DOK6: variants seen among roughly 807,000 people sequenced by gnomAD.
DOK6 encodes the protein downstream of tyrosine kinase 6.
A neutral mutation model predicts 44.0 loss-of-function variants in DOK6; 22 were observed. The observed-to-expected ratio is 0.50, with a 90% CI of 0.36 to 0.71. DOK6 has a LOEUF of 0.71. Ranked by LOEUF, DOK6 falls within the 30% of genes least tolerant of loss-of-function variation. The pLI is 0.00. For missense variants in DOK6, 340 were observed against 416.4 expected, an observed-to-expected ratio of 0.82 and a Z score of 1.60; for synonymous variants, 166 against 145.5, an observed-to-expected ratio of 1.14 and a Z score of -1.01.
At chr18:69,834,165 G>T (rs909004749) in intron 7 of DOK6, among the ~76,000 whole-genome samples, 1 of 152,174 alleles carries the variant, frequency 6.6e-6, no homozygotes, top group African/African-American at 2.4e-5. Context: ...AGAAAATGTG[G>T]TACATATACA....
At chr18:69,592,256 A>G (rs1983639811) in intron 2 of DOK6, among the ~76,000 whole-genome samples, 1 of 149,048 alleles carries the variant, frequency 6.7e-6, no homozygotes, top group Non-Finnish European at 1.5e-5. Context: ...TTTTAAACTT[A>G]CCCTTTAAAA....
At chr18:69,719,614 ATTCATTTTGAAAAGGTACTTTTAG>A (rs1555726616) in intron 5 of DOK6, among the ~76,000 whole-genome samples, 3 of 152,208 alleles carry the variant, frequency 2.0e-5, no homozygotes, top group Non-Finnish European at 2.9e-5. Flanking sequence ...TGGGCCTTTC[ATTCATTTTGAAAAGGTACTTTTAG>A]TCCTCAAACA....
At chr18:69,531,836 G>T (rs1181122419) in intron 1 of DOK6, among the ~76,000 whole-genome samples, 2 of 151,986 alleles carry the variant, frequency 1.3e-5, no homozygotes, top group African/African-American at 4.8e-5. Context: ...ATTTAAAAAT[G>T]CCGAAGAGCC....
chr18:69,799,685 T>A (rs1407302381), intron 7 of DOK6, among the ~76,000 whole-genome samples: 1 of 152,054 alleles, frequency 6.6e-6, no homozygotes, highest in Non-Finnish European at 1.5e-5. Context: ...TCAAGCAGAA[T>A]CAATGTCTTA....
intron 2 of DOK6, among the ~76,000 whole-genome samples, chr18:69,597,552 T>C (rs28421492): frequency 1.8e-4 from 28 of 152,320 alleles, no homozygotes; most frequent in African/African-American, 6.0e-4. Context: ...TTAGGGACAC[T>C]AGACAGCAGT....
At chr18:69,554,832 A>G (rs571127337) in intron 1 of DOK6, among the ~76,000 whole-genome samples, 2 of 152,224 alleles carry the variant, frequency 1.3e-5, no homozygotes, top group Admixed American at 6.5e-5. Context: ...TTTTGTTGCA[A>G]ATGAATTGAT....
intron 7 of DOK6, among the ~76,000 whole-genome samples, chr18:69,768,920 T>C (rs1979801501): frequency 7.0e-6 from 1 of 142,420 alleles, no homozygotes; most frequent in Non-Finnish European, 1.6e-5. Flanking sequence ...TATGTTTATA[T>C]AAGAGGAATT....
intron 3 of DOK6, among the ~76,000 whole-genome samples, chr18:69,653,987 T>C (rs1402268961): frequency 6.6e-6 from 1 of 152,062 alleles, no homozygotes; most frequent in Non-Finnish European, 1.5e-5. Flanking sequence ...ATGCTCAAAA[T>C]ATGAATGACA....
At chr18:69,580,721 T>C (rs944043156) in intron 2 of DOK6, among the ~76,000 whole-genome samples, 1 of 152,182 alleles carries the variant, frequency 6.6e-6, no homozygotes, top group African/African-American at 2.4e-5. Context: ...TTTGAAAATA[T>C]ATAATATATT....
chr18:69,814,407 A>G (rs1452109679), intron 7 of DOK6, among the ~76,000 whole-genome samples: 1 of 152,138 alleles, frequency 6.6e-6, no homozygotes, highest in Non-Finnish European at 1.5e-5. Context: ...AGATGGTCCC[A>G]TCTGGAGGTG....
rs537919840 is a variant in DOK6, at chr18:69,728,378, A to G, written c.600-10587A>G. The stretch of plus-strand genomic sequence containing the variant: ...ATGGAACAAGGTTGCCTCTTAAATC[A>G]TGTTCTAATCTCCCTCTAGCTCTGA... On this transcript the variant is annotated intron_variant, in intron 5 of 7. Coordinates refer to ENST00000382713, the MANE Select transcript of DOK6 (RefSeq NM_152721.6). Among the ~76,000 whole-genome samples the G allele has an allele frequency of 1.6e-4, 25 of 152,270 alleles. 1 individual carries two copies. Among genetic ancestry groups the G allele is most frequent in the Admixed American group, 5.2e-4 (8 of 15,300 alleles).
At chr18:69,495,680 A>G (rs569368422) in intron 1 of DOK6, among the ~76,000 whole-genome samples, 160 of 152,330 alleles carry the variant, frequency 1.1e-3, no homozygotes, top group African/African-American at 3.4e-3. Flanking sequence ...GCCTGAAAGT[A>G]GGCTTGGACA....
chr18:69,526,693 C>G (rs955702104), intron 1 of DOK6, among the ~76,000 whole-genome samples: 1 of 152,098 alleles, frequency 6.6e-6, no homozygotes, highest in African/African-American at 2.4e-5. Context: ...GCTCTTAGAA[C>G]ATACTTAGTG....
At chr18:69,588,339 G>A (rs1479835864) in intron 2 of DOK6, among the ~76,000 whole-genome samples, 3 of 152,026 alleles carry the variant, frequency 2.0e-5, no homozygotes, top group South Asian at 2.1e-4. Context: ...TGCTTGATTC[G>A]GTAACTCTTG....
chr18:69,680,883 C>T (rs996761621), intron 4 of DOK6, among the ~76,000 whole-genome samples: 3 of 149,578 alleles, frequency 2.0e-5, no homozygotes, highest in African/African-American at 7.4e-5. Flanking sequence ...TTTTAGCTAA[C>T]TGAAGTCTTT....
rs566086335 is a variant in DOK6 at position 69,569,772 on chromosome 18, A to G, written c.174+5178A>G. 4.1e-4 allele frequency among the ~76,000 whole-genome samples: 62 copies of G among 152,328 alleles called. 3 individuals are homozygous for G. In the South Asian group the frequency reaches 0.012, roughly 30 times the overall value. On this transcript the variant is annotated intron_variant, in intron 2 of 7. Transcript: ENST00000382713. ...TAAAGGCACATGCACATATATGTAC[A>G]TCGCAACACTATTCACAATACCAAG...
intron 7 of DOK6, among the ~76,000 whole-genome samples, chr18:69,763,958 C>G (rs191628193): frequency 5.3e-5 from 8 of 152,246 alleles, no homozygotes; most frequent in Non-Finnish European, 7.4e-5. Flanking sequence ...TGAGGGTGGA[C>G]CTGAGAAAAA....
At chr18:69,516,949 T>C (rs1001439414) in intron 1 of DOK6, among the ~76,000 whole-genome samples, 2 of 152,058 alleles carry the variant, frequency 1.3e-5, no homozygotes, top group African/African-American at 4.8e-5. Flanking sequence ...CACAAAGTGC[T>C]GGGATTACAG....
chr18:69,612,478 T>C (rs928477058), intron 3 of DOK6, among the ~76,000 whole-genome samples: 8 of 46,852 alleles, frequency 1.7e-4, no homozygotes, highest in Admixed American at 4.1e-4. Flanking sequence ...TATTTCTTGC[T>C]CTTTTCTAAC....
Sources: gnomAD v4.1 joint callset for allele counts (sites outside exome capture counted in the v4.1 genomes callset) on GRCh38, gnomAD v4.1.1 for gene constraint, MANE v1.5 for transcripts, NCBI Gene and HGNC (gene_info 2026-07-23, HGNC 2026-07-21) for gene names.